Variants in MGAT4D observed in about 807,000 individuals in gnomAD.
MGAT4D encodes alpha-1,3-mannosyl-glycoprotein 4-beta-N-acetylglucosaminyltransferase-like protein MGAT4D.
In MGAT4D, 34 loss-of-function variants were observed where a neutral mutation model predicts 15.9. The observed-to-expected ratio is 2.14, with a 90% CI of 1.62 to 2.84. MGAT4D has a LOEUF of 2.84. Ranked by LOEUF, MGAT4D falls within the 30% of genes most tolerant of loss-of-function variation. The pLI is 0.00. For synonymous variants in MGAT4D, 112 were observed against 48.2 expected (o/e 2.33, Z -5.49); for missense variants, 327 against 140.2 (o/e 2.33, Z -6.73).
At chr4:140,485,456 A>G (rs1164776562) in intron 1 of MGAT4D, among the ~76,000 whole-genome samples, 2 of 152,064 alleles carry the variant, frequency 1.3e-5, no homozygotes, top group African/African-American at 2.4e-5. Flanking sequence ...ATGCTAAATG[A>G]CGAGATAGTG....
intron 1 of MGAT4D, among the ~76,000 whole-genome samples, chr4:140,484,994 G>C (rs567209579): frequency 6.6e-6 from 1 of 152,144 alleles, no homozygotes; most frequent in Admixed American, 6.5e-5. Flanking sequence ...TCAGTGTGGC[G>C]ATTCCTCAGG....
rs149442061 is a variant in MGAT4D at position 140,446,743 on chromosome 4, G to GTTTTTTTTTTTTTTTTTTT, written c.1117-3318_1117-3300dup. Among the ~76,000 whole-genome samples the GTTTTTTTTTTTTTTTTTTT allele has an allele frequency of 8.6e-4, 7 of 8,168 alleles. 1 individual carries two copies. The highest frequency in any genetic ancestry group is 1.5e-3 in the African/African-American group (3 of 1,988). The allele number at this position is 8,168 out of a possible 152,430, so 5.4% of individuals were successfully genotyped here. A position where few individuals can be genotyped will look rare whatever the true frequency, so the allele number is the denominator to read the frequency against. ...GAGCTGGTTTGCTTTTGCTTCTCTA[G>GTTTTTTTTTTTTTTTTTTT]TTTTTTTTTTTTTTTTTTTTTTTTT... On this transcript the variant is annotated intron_variant, in intron 10 of 10. Coordinates refer to ENST00000511113, the MANE Select transcript of MGAT4D (RefSeq NM_001277353.2).
intron 2 of MGAT4D, among the ~76,000 whole-genome samples, chr4:140,480,835 C>G (rs1578700478): frequency 6.6e-6 from 1 of 151,332 alleles, no homozygotes; most frequent in East Asian, 1.9e-4. Flanking sequence ...GCTCAGGAAG[C>G]TGAGGTGGGA....
intron 2 of MGAT4D, among the ~76,000 whole-genome samples, chr4:140,480,698 A>G (rs534879863): frequency 5.2e-4 from 78 of 151,250 alleles, no homozygotes; most frequent in African/African-American, 1.8e-3. Context: ...TGAGAACAGC[A>G]TGAGCAATAT....
At chr4:140,449,714 C>T (rs57229430) in intron 10 of MGAT4D, among the ~76,000 whole-genome samples, 198 of 152,092 alleles carry the variant, frequency 1.3e-3, no homozygotes, top group African/African-American at 4.3e-3. Flanking sequence ...GAGCCAAGAT[C>T]GTGCCACTGC....
intron 10 of MGAT4D, among the ~76,000 whole-genome samples, chr4:140,450,500 T>C (rs1238672163): frequency 1.3e-5 from 2 of 152,260 alleles, no homozygotes; most frequent in Non-Finnish European, 2.9e-5. Flanking sequence ...GGACACATTT[T>C]CTTTATTGGA....
At chr4:140,456,499 G>T (rs1411570110) in intron 9 of MGAT4D, 90 bp downstream of exon 9, 1 of 453,570 alleles carries the variant, frequency 2.2e-6, no homozygotes, top group Non-Finnish European at 3.9e-6. Flanking sequence ...GCATTTATCA[G>T]ATTTGGTTTG....
chr4:140,490,495 C>G (rs963861205), intron 1 of MGAT4D, among the ~76,000 whole-genome samples: 2 of 152,154 alleles, frequency 1.3e-5, no homozygotes, highest in African/African-American at 4.8e-5. Context: ...CCTCAACATA[C>G]CTTACCATCA....
At chr4:140,467,508 A>G (rs1396597825) in intron 5 of MGAT4D, among the ~76,000 whole-genome samples, 1 of 152,138 alleles carries the variant, frequency 6.6e-6, no homozygotes, top group Non-Finnish European at 1.5e-5. Flanking sequence ...TACAATTTCT[A>G]CTTTGATGAT....
At chr4:140,460,457 G>C (rs947512426) in intron 7 of MGAT4D, among the ~76,000 whole-genome samples, 2 of 152,192 alleles carry the variant, frequency 1.3e-5, no homozygotes, top group African/African-American at 2.4e-5. Flanking sequence ...CCATTTATGA[G>C]GCTCTGCCTG....
intron 1 of MGAT4D, among the ~76,000 whole-genome samples, chr4:140,485,741 T>C (rs1733068065): frequency 7.9e-6 from 1 of 126,602 alleles, no homozygotes; most frequent in East Asian, 2.4e-4. Flanking sequence ...GCTCAGGAGA[T>C]CAAGGCCACA....
intron 9 of MGAT4D, among the ~76,000 whole-genome samples, chr4:140,453,716 C>T (rs1730616171): frequency 1.3e-5 from 2 of 151,792 alleles, no homozygotes; most frequent in Admixed American, 1.3e-4. Context: ...GGCAATTACC[C>T]CCTGGCTTTC....
At position 140,451,452 on chromosome 4, in the gene MGAT4D, C is replaced by T. The variant is rs1730469379; in HGVS notation, c.1074G>A (p.Val358=). Residue 358 remains valine, a synonymous_variant, in exon 10 of 11, where the codon GTG becomes GTA. Transcript: ENST00000511113. ...IQYKPSLFQH[V]GIHSSFPRKE... is the part of the protein sequence containing the mutation. ...TTCTAGGGAATGATGAATGTATACC[C>T]ACATGCTGGAAAAGAGAAGGTTTAT... The T allele has an allele frequency of 7.9e-6, 5 of 633,226 alleles. No individual in the cohort carries two copies. The highest frequency in any genetic ancestry group is 7.4e-5 in the South Asian group (4 of 53,816). 39.2% of individuals were successfully genotyped at this position (633,226 alleles called of 1,614,324 possible). A position where few individuals can be genotyped will look rare whatever the true frequency, so the allele number is the denominator to read the frequency against.
intron 3 of MGAT4D, among the ~76,000 whole-genome samples, chr4:140,476,659 C>A (rs1278041730): frequency 1.3e-5 from 2 of 152,186 alleles, no homozygotes; most frequent in African/African-American, 2.4e-5. Flanking sequence ...ACTACCCACA[C>A]TTTTCGAATT....
rs1729862596 is a variant in MGAT4D, at chr4:140,442,925, A to T, written c.*511T>A. 1 of 152,208 alleles carries T rather than the reference A, an allele frequency of 6.6e-6. No homozygotes were observed. The highest frequency in any genetic ancestry group is 2.1e-4 in the South Asian group (1 of 4,828). 9.4% of individuals were successfully genotyped at this position (152,208 alleles called of 1,614,324 possible). ...GAATACATATATATCAAGATGTTTG[A>T]TAATCGGTTCAAATGGCACATAGGG... is the stretch of plus-strand genomic sequence containing the variant. On this transcript the variant is annotated 3_prime_UTR_variant, in exon 11 of 11. Transcript: ENST00000511113.
At chr4:140,450,283 G>T (rs1358740466) in intron 10 of MGAT4D, among the ~76,000 whole-genome samples, 1 of 152,120 alleles carries the variant, frequency 6.6e-6, no homozygotes, top group African/African-American at 2.4e-5. Context: ...AATATGCCAT[G>T]AATTTACAAA....
chr4:140,453,713 A>G (rs1356882650), intron 9 of MGAT4D, among the ~76,000 whole-genome samples: 1 of 151,728 alleles, frequency 6.6e-6, no homozygotes, highest in Non-Finnish European at 1.5e-5. Context: ...TGTGGCAATT[A>G]CCCCCTGGCT....
At chr4:140,497,903 G>C (rs1724189865) in intron 1 of MGAT4D, among the ~76,000 whole-genome samples, 1 of 152,302 alleles carries the variant, frequency 6.6e-6, no homozygotes, top group South Asian at 2.1e-4. Flanking sequence ...GGCCGGACGC[G>C]GCCCTGGAGG....
At chr4:140,443,510 T>C (rs1729902142) in intron 10 of MGAT4D, 66 bp from the exon 11 acceptor site, 1 of 482,394 alleles carries the variant, frequency 2.1e-6, no homozygotes, top group East Asian at 3.9e-5. Flanking sequence ...TGAAATTATT[T>C]TCATAGCAAT....
Sources: allele counts gnomAD v4.1 joint callset (sites outside exome capture counted in the v4.1 genomes callset), GRCh38; gene constraint gnomAD v4.1.1; transcripts MANE v1.5; gene names NCBI Gene and HGNC (gene_info 2026-07-23, HGNC 2026-07-21).